The following CDH4 variants were observed in gnomAD, a reference collection of about 807,000 sequenced individuals.
CDH4 encodes cadherin-4.
Under a neutral mutation model 86.0 loss-of-function variants are expected in CDH4, and 33 were observed. That is an observed-to-expected ratio of 0.38 (90% confidence interval 0.29 to 0.51). The LOEUF is 0.51. CDH4 is among the 20% of genes least tolerant of loss of function. The pLI is 0.86. For missense variants in CDH4, 1,114 were observed against 1,307.4 expected (o/e 0.85, Z 2.28); for synonymous variants, 555 against 549.4 (o/e 1.01, Z -0.14).
intron 4 of CDH4, among the ~76,000 whole-genome samples, chr20:61,790,303 C>A (rs920078933): frequency 7.3e-5 from 11 of 151,058 alleles, no homozygotes; most frequent in African/African-American, 2.4e-4. Flanking sequence ...TCCATCCACC[C>A]ACTATCCATC....
chr20:61,904,616 C>T (rs963756162), intron 8 of CDH4, among the ~76,000 whole-genome samples: 2 of 152,196 alleles, frequency 1.3e-5, no homozygotes, highest in African/African-American at 4.8e-5. Flanking sequence ...CACCGAGTGC[C>T]CTGACTGTGC....
At chr20:61,856,287 G>A (rs1982999907) in intron 6 of CDH4, among the ~76,000 whole-genome samples, 1 of 152,176 alleles carries the variant, frequency 6.6e-6, no homozygotes, top group Admixed American at 6.5e-5. Context: ...AGCTCCAGAG[G>A]AACTTCGAAG....
intron 2 of CDH4, among the ~76,000 whole-genome samples, chr20:61,329,994 A>G (rs1170215133): frequency 1.3e-5 from 2 of 152,076 alleles, no homozygotes; most frequent in Non-Finnish European, 2.9e-5. Context: ...GGCTCCATCC[A>G]TGTCCCTGCA....
chr20:61,448,734 C>T (rs2085365345), intron 2 of CDH4, among the ~76,000 whole-genome samples: 3 of 152,102 alleles, frequency 2.0e-5, no homozygotes, highest in Non-Finnish European at 4.4e-5. Context: ...CTTTTCCTCG[C>T]GTGCACGTGC....
rs866120239 is a variant in CDH4, at chr20:61,613,857, G to A, written c.170-129706G>A. ...ATCCTGAAGCTCAAATTGGTGGGAG[G>A]GGGGGCTTTGGGGAGGAGCTCGTTT... On this transcript the variant is annotated intron_variant, in intron 2 of 15. Coordinates refer to ENST00000614565, the MANE Select transcript of CDH4 (RefSeq NM_001794.5). 3.9e-5 allele frequency among the ~76,000 whole-genome samples: 6 copies of A among 152,054 alleles called. No homozygotes were observed. The South Asian group carries it at 1.2e-3, about 32-fold the overall frequency.
intron 2 of CDH4, among the ~76,000 whole-genome samples, chr20:61,508,002 T>C (rs962416936): frequency 6.6e-6 from 1 of 152,180 alleles, no homozygotes; most frequent in South Asian, 2.1e-4. Flanking sequence ...GCTGTCAGGA[T>C]GGGGTTGTAT....
chr20:61,459,750 G>A (rs1257348633), intron 2 of CDH4, among the ~76,000 whole-genome samples: 1 of 151,874 alleles, frequency 6.6e-6, no homozygotes, highest in Non-Finnish European at 1.5e-5. Context: ...TAAAGTACCA[G>A]GAGTTAGGCC....
intron 2 of CDH4, among the ~76,000 whole-genome samples, chr20:61,705,376 G>T (rs928370517): frequency 6.6e-6 from 1 of 152,348 alleles, no homozygotes; most frequent in East Asian, 1.9e-4. Context: ...GTTCCACACC[G>T]CAGAGGGAGC....
chr20:61,497,834 T>C (rs1055839141), intron 2 of CDH4, among the ~76,000 whole-genome samples: 11 of 151,966 alleles, frequency 7.2e-5, no homozygotes, highest in African/African-American at 2.7e-4. Flanking sequence ...TAGACTGGAC[T>C]AAGAAAATAT....
chr20:61,567,386 G>A (rs1035820239), intron 2 of CDH4, among the ~76,000 whole-genome samples: 2 of 152,194 alleles, frequency 1.3e-5, no homozygotes, highest in African/African-American at 4.8e-5. Flanking sequence ...GATTCAGTGT[G>A]GGGTGAGGTC....
intron 4 of CDH4, among the ~76,000 whole-genome samples, chr20:61,793,563 C>T (rs62206262): frequency 0.28 from 42,490 of 151,664 alleles, 6,393 homozygotes; most frequent in Admixed American, 0.33. Context: ...AGGCTGAGGC[C>T]GGGCGCAGTG....
intron 2 of CDH4, among the ~76,000 whole-genome samples, chr20:61,345,777 C>A (rs890723172): frequency 5.9e-5 from 9 of 152,208 alleles, no homozygotes; most frequent in Non-Finnish European, 1.2e-4. Flanking sequence ...TCGGGGAGGG[C>A]TCTTTGTGCT....
At chr20:61,366,084 C>G (rs2084809689) in intron 2 of CDH4, among the ~76,000 whole-genome samples, 1 of 152,234 alleles carries the variant, frequency 6.6e-6, no homozygotes, top group Non-Finnish European at 1.5e-5. Flanking sequence ...GGTGGCCGGC[C>G]AGCCGCAGTC....
At chr20:61,838,835 A>AAAAG (rs1318147724) in intron 4 of CDH4, among the ~76,000 whole-genome samples, 1 of 133,126 alleles carries the variant, frequency 7.5e-6, no homozygotes, top group African/African-American at 2.8e-5. Context: ...AAAAAAAAAA[A>AAAAG]AAAGAAAGAA....
chr20:61,482,117 C>T (rs1444437886), intron 2 of CDH4, among the ~76,000 whole-genome samples: 3 of 152,166 alleles, frequency 2.0e-5, no homozygotes, highest in Non-Finnish European at 4.4e-5. Context: ...ATTGCTCTCA[C>T]GTATTATTCA....
rs145000682 is a variant in CDH4 at position 61,877,832 on chromosome 20, G to A, written c.1050+3932G>A. 3.3e-3 allele frequency among the ~76,000 whole-genome samples: 502 copies of A among 152,264 alleles called. 2 individuals carry two copies. Among genetic ancestry groups the A allele is most frequent in the Middle Eastern group, 0.017 (5 of 294 alleles). ...GCCATGGTTCAGGGGCTCAGGGGAC[G>A]GTCATGGGGCTGGACTTTGGGGCCA... On this transcript the variant is annotated intron_variant, in intron 7 of 15. Coordinates refer to ENST00000614565, the MANE Select transcript of CDH4 (RefSeq NM_001794.5).
chr20:61,465,813 G>A (rs191938196), intron 2 of CDH4, among the ~76,000 whole-genome samples: 4 of 151,502 alleles, frequency 2.6e-5, no homozygotes, highest in South Asian at 2.1e-4. Flanking sequence ...CAGAAGAATC[G>A]ATTCCTGAAT....
At chr20:61,763,634 G>A (rs6142681) in intron 3 of CDH4, among the ~76,000 whole-genome samples, 22,595 of 151,994 alleles carry the variant, frequency 0.15, 1,804 homozygotes, top group Non-Finnish European at 0.16. Flanking sequence ...CCCATGCCCC[G>A]GCCAGACCAC....
At chr20:61,779,516 C>T (rs552178421) in intron 4 of CDH4, among the ~76,000 whole-genome samples, 70 of 152,340 alleles carry the variant, frequency 4.6e-4, no homozygotes, top group African/African-American at 1.6e-3. Context: ...CAAAGGATGG[C>T]TCAAGTCAGC....
Sources: allele counts gnomAD v4.1 joint callset (sites outside exome capture counted in the v4.1 genomes callset), GRCh38; gene constraint gnomAD v4.1.1; transcripts MANE v1.5; gene names NCBI Gene and HGNC (gene_info 2026-07-23, HGNC 2026-07-21).